DPYD: variants seen among roughly 807,000 people sequenced by gnomAD.
DPYD encodes the protein dihydropyrimidine dehydrogenase, also known as dihydropyrimidine dehydrogenase [NADP(+)].
DPYD carries 109 observed loss-of-function variants against 116.2 expected under a neutral mutation model. That is an observed-to-expected ratio of 0.94 (90% CI 0.80 to 1.10). The LOEUF (loss-of-function observed/expected upper bound fraction) is 1.10. Ranked by LOEUF, DPYD falls within the 50% of genes least tolerant of loss-of-function variation. DPYD has a pLI of 0.00. For missense variants in DPYD, 1,302 were observed against 1,254.5 expected, an observed-to-expected ratio of 1.04 and a Z score of -0.57; for synonymous variants, 440 against 432.0, an observed-to-expected ratio of 1.02 and a Z score of -0.23.
At chr1:97,341,941 T>C (rs1467458651) in intron 16 of DPYD, among the ~76,000 whole-genome samples, 1 of 152,186 alleles carries the variant, frequency 6.6e-6, no homozygotes, top group Admixed American at 6.6e-5. Context: ...AGGAGATTTG[T>C]TTTCAGGAGA....
intron 18 of DPYD, among the ~76,000 whole-genome samples, chr1:97,275,644 A>G (rs1664885214): frequency 6.6e-6 from 1 of 152,208 alleles, no homozygotes; most frequent in African/African-American, 2.4e-5. Flanking sequence ...TCTATTTCCT[A>G]TAAGAATGCA....
At chr1:97,538,360 T>C (rs753297360) in intron 12 of DPYD, among the ~76,000 whole-genome samples, 13 of 152,238 alleles carry the variant, frequency 8.5e-5, no homozygotes, top group Non-Finnish European at 7.3e-5. Context: ...TCATTTCACA[T>C]AGCCTATTGA....
chr1:97,615,910 G>A (rs973040439), intron 8 of DPYD, among the ~76,000 whole-genome samples: 1 of 152,010 alleles, frequency 6.6e-6, no homozygotes, highest in African/African-American at 2.4e-5. Context: ...CCTGAGTTAA[G>A]ATTCCCTCTG....
chr1:97,813,880 T>A (rs1158821993), intron 3 of DPYD, among the ~76,000 whole-genome samples: 1 of 150,358 alleles, frequency 6.7e-6, no homozygotes, highest in East Asian at 2.0e-4. Context: ...ACTGACAAAG[T>A]ACTTTTATCC....
intron 2 of DPYD, among the ~76,000 whole-genome samples, chr1:97,873,662 A>G (rs970852280): frequency 6.6e-6 from 1 of 151,932 alleles, no homozygotes; most frequent in African/African-American, 2.4e-5. Context: ...TAATAAAAAG[A>G]GGATTATAAT....
At chr1:97,543,524 A>G (rs1650606842) in intron 12 of DPYD, among the ~76,000 whole-genome samples, 1 of 152,210 alleles carries the variant, frequency 6.6e-6, no homozygotes, top group Admixed American at 6.5e-5. Context: ...TTATAAAATC[A>G]TATTTTAAAA....
At chr1:97,707,158 T>C (rs1310120144) in intron 5 of DPYD, among the ~76,000 whole-genome samples, 1 of 151,966 alleles carries the variant, frequency 6.6e-6, no homozygotes, top group African/African-American at 2.4e-5. Flanking sequence ...TAGGAGGTGA[T>C]TAGGTCATGA....
intron 14 of DPYD, among the ~76,000 whole-genome samples, chr1:97,447,682 C>T (rs1277334344): frequency 6.6e-6 from 1 of 151,906 alleles, no homozygotes; most frequent in African/African-American, 2.4e-5. Flanking sequence ...CTTCTTTCTA[C>T]TCAACTGTAG....
chr1:97,173,376 G>A (rs1158682472), intron 20 of DPYD, among the ~76,000 whole-genome samples: 1 of 145,236 alleles, frequency 6.9e-6, no homozygotes, highest in Non-Finnish European at 1.5e-5. Context: ...ACATATATGT[G>A]TGTATATACG....
intron 12 of DPYD, among the ~76,000 whole-genome samples, chr1:97,528,749 T>G (rs1476535655): frequency 6.6e-6 from 1 of 152,194 alleles, no homozygotes; most frequent in Non-Finnish European, 1.5e-5. Flanking sequence ...CTAATTATTT[T>G]TGACTCCATT....
intron 1 of DPYD, among the ~76,000 whole-genome samples, chr1:97,901,993 T>C (rs1673391578): frequency 2.0e-5 from 3 of 151,842 alleles, no homozygotes; most frequent in South Asian, 2.1e-4. Context: ...TGTATTCCAA[T>C]TGAAATCCAC....
intron 15 of DPYD, among the ~76,000 whole-genome samples, chr1:97,374,712 G>C (rs570623153): frequency 1.3e-5 from 1 of 78,424 alleles, no homozygotes; most frequent in African/African-American, 5.9e-5. Flanking sequence ...GCAAGACTCC[G>C]TCTCAGAAAA....
intron 12 of DPYD, 50 bp from the exon 13 acceptor site, chr1:97,515,991 A>G: frequency 6.5e-7 from 1 of 1,538,462 alleles, no homozygotes; most frequent in Non-Finnish European, 8.9e-7. Context: ...TAAATTGTCC[A>G]TATAATATTT....
chr1:97,687,666 T>C lies in DPYD; in HGVS notation c.762+4051A>G, dbSNP rs142999981. ...AATATAGATCATTCTGTTATAAAGA[T>C]ACATGCAGGTGTATGTTCACTGCAG... On this transcript the variant is annotated intron_variant, in intron 7 of 22. Coordinates refer to ENST00000370192, the MANE Select transcript of DPYD (RefSeq NM_000110.4). Among the ~76,000 whole-genome samples, 73 of 152,224 alleles carry C rather than the reference T, an allele frequency of 4.8e-4. 1 individual carries two copies. The highest frequency in any genetic ancestry group is 1.4e-3 in the African/African-American group (59 of 41,550).
chr1:97,546,402 T>G, intron 12 of DPYD: 1 of 1,520,646 alleles, frequency 6.6e-7, no homozygotes, highest in East Asian at 2.3e-5. Flanking sequence ...ATAAGGGCAG[T>G]GATTCTGAAG....
At chr1:97,223,423 A>G (rs1394274753) in intron 19 of DPYD, among the ~76,000 whole-genome samples, 1 of 151,816 alleles carries the variant, frequency 6.6e-6, no homozygotes, top group Non-Finnish European at 1.5e-5. Context: ...ACACACAAAC[A>G]CACACACATC....
At chr1:97,666,493 G>T (rs1358424499) in intron 8 of DPYD, among the ~76,000 whole-genome samples, 1 of 151,510 alleles carries the variant, frequency 6.6e-6, no homozygotes, top group African/African-American at 2.4e-5. Context: ...GTGTGTGTGT[G>T]TTTTTTTTCT....
At chr1:97,298,223 C>G (rs1261067763) in intron 18 of DPYD, among the ~76,000 whole-genome samples, 1 of 152,094 alleles carries the variant, frequency 6.6e-6, no homozygotes, top group Non-Finnish European at 1.5e-5. Flanking sequence ...AAGTGTGGTT[C>G]CCAGATCGGT....
chr1:97,087,357 A>G (rs979870374), intron 21 of DPYD, among the ~76,000 whole-genome samples: 1 of 152,208 alleles, frequency 6.6e-6, no homozygotes, highest in Non-Finnish European at 1.5e-5. Flanking sequence ...TAAGAAAAGG[A>G]CATCTTAAGT....
Sources: gnomAD v4.1 joint callset for allele counts (sites outside exome capture counted in the v4.1 genomes callset) on GRCh38, gnomAD v4.1.1 for gene constraint, MANE v1.5 for transcripts, NCBI Gene and HGNC (gene_info 2026-07-23, HGNC 2026-07-21) for gene names.